Variants in LIMS1 observed in about 807,000 individuals in gnomAD.
The protein encoded by LIMS1 is LIM zinc finger domain containing 1.
In LIMS1, 18 loss-of-function variants were observed where a neutral mutation model predicts 44.1. The ratio of observed to expected loss-of-function variants is 0.41; its 90% CI spans 0.28 to 0.61. The LOEUF (loss-of-function observed/expected upper bound fraction) is 0.61, where lower values mean the gene tolerates loss of function less well. LIMS1 is among the 20% of genes least tolerant of loss of function. LIMS1 has a pLI of 0.32. For synonymous variants in LIMS1, 93 were observed against 149.1 expected (o/e 0.62, Z 2.74); for missense variants, 201 against 422.0 (o/e 0.48, Z 4.59).
chr2:108,672,421 T>A lies in LIMS1; in HGVS notation c.356T>A (p.Ile119Asn), dbSNP rs773411130. The change falls in exon 4 of 10, where the codon ATC becomes AAC. Residue 119 changes from isoleucine (I) to asparagine (N), a missense_variant. This residue lies in a region of LIMS1 where 101 missense variants were observed against 215.2 expected (regional missense o/e 0.47). Coordinates refer to ENST00000544547, the Ensembl canonical transcript of LIMS1. ...CTCTGCCAGGAAGTTCTGGCAGATA[T>A]CGGGTTTGTCAAGAATGCTGGGAGG... The A allele has an allele frequency of 9.0e-6, 9 of 1,004,670 alleles. No homozygotes were observed. In the South Asian group the frequency reaches 1.4e-4, roughly 16 times the overall value. 62.2% of individuals were successfully genotyped at this position (1,004,670 alleles called of 1,614,324 possible).
At chr2:108,575,057 A>G (rs912211293) in intron 1 of LIMS1, among the ~76,000 whole-genome samples, 1 of 151,930 alleles carries the variant, frequency 6.6e-6, no homozygotes, top group Non-Finnish European at 1.5e-5. Context: ...TTGGCAGGAT[A>G]CTCTTCTTTT....
At chr2:108,663,903 C>T (rs1366531466) in intron 2 of LIMS1, among the ~76,000 whole-genome samples, 11 of 151,988 alleles carry the variant, frequency 7.2e-5, no homozygotes, top group African/African-American at 1.9e-4. Flanking sequence ...TACAGGCAGG[C>T]GCCACCATGC....
intron 1 of LIMS1, among the ~76,000 whole-genome samples, chr2:108,542,208 GC>G (rs1396604627): frequency 6.6e-6 from 1 of 152,118 alleles, no homozygotes; most frequent in Non-Finnish European, 1.5e-5. Context: ...CAGACTGCTG[GC>G]AGAGACCCAA....
chr2:108,680,051 C>T (rs575412679), intron 8 of LIMS1, among the ~76,000 whole-genome samples: 6 of 151,908 alleles, frequency 3.9e-5, no homozygotes, highest in Admixed American at 2.0e-4. Context: ...ATGGCAAGAC[C>T]GTGTCTCTAT....
intron 1 of LIMS1, chr2:108,657,808 T>C (rs1691008887): frequency 6.6e-6 from 1 of 152,358 alleles, no homozygotes; most frequent in African/African-American, 2.4e-5. Flanking sequence ...GGGTCTGAAG[T>C]GATGAACATG....
At chr2:108,586,882 C>G (rs143443863) in intron 1 of LIMS1, among the ~76,000 whole-genome samples, 59 of 152,270 alleles carry the variant, frequency 3.9e-4, no homozygotes, top group African/African-American at 1.3e-3. Context: ...GCTTCCCACT[C>G]GAAAGCAGCC....
intron 1 of LIMS1, among the ~76,000 whole-genome samples, chr2:108,615,297 C>T (rs1213040195): frequency 6.6e-6 from 1 of 152,050 alleles, no homozygotes; most frequent in Admixed American, 6.6e-5. Flanking sequence ...AAAGTTTTAG[C>T]TTTATATGTA....
intron 1 of LIMS1, among the ~76,000 whole-genome samples, chr2:108,574,755 C>G (rs756146748): frequency 6.6e-6 from 1 of 152,160 alleles, no homozygotes; most frequent in South Asian, 2.1e-4. Context: ...GAGTAAAGAC[C>G]TGAAGCAAAC....
chr2:108,573,221 A>G (rs1167072188), intron 1 of LIMS1, among the ~76,000 whole-genome samples: 1 of 152,154 alleles, frequency 6.6e-6, no homozygotes, highest in Non-Finnish European at 1.5e-5. Context: ...ATTTTATTGC[A>G]GAGTGATTAC....
intron 9 of LIMS1, among the ~76,000 whole-genome samples, chr2:108,681,904 A>G (rs1390759116): frequency 6.6e-6 from 1 of 151,964 alleles, no homozygotes; most frequent in Non-Finnish European, 1.5e-5. Context: ...AAAAAAAAAA[A>G]ATCTTTCAGC....
chr2:108,621,269 C>G (rs1688219200), intron 1 of LIMS1: 11 of 1,527,582 alleles, frequency 7.2e-6, no homozygotes, highest in Non-Finnish European at 9.7e-6. Flanking sequence ...TGAGGTCCCT[C>G]GGCAAGGGAC....
intron 1 of LIMS1, among the ~76,000 whole-genome samples, chr2:108,575,331 A>G (rs1185210804): frequency 6.6e-6 from 1 of 152,190 alleles, no homozygotes; most frequent in African/African-American, 2.4e-5. Context: ...AAAAAAATGC[A>G]AAAGAGTTAG....
rs114758360 is a variant in LIMS1, at chr2:108,626,532, C to T, written c.33-33073C>T. 1.1e-3 allele frequency among the ~76,000 whole-genome samples: 174 copies of T among 152,240 alleles called. 1 individual carries two copies. The highest frequency in any genetic ancestry group is 4.0e-3 in the African/African-American group (165 of 41,536). On this transcript the variant is annotated intron_variant, in intron 1 of 9. Coordinates refer to ENST00000544547, the Ensembl canonical transcript of LIMS1. ...AGACCCCCTCTTCACCCACTCTCAC[C>T]TCCCACCCCCATATAATAGAGAGGG... is the stretch of plus-strand genomic sequence containing the variant.
At chr2:108,588,847 G>A (rs1369760594) in intron 1 of LIMS1, among the ~76,000 whole-genome samples, 4 of 152,176 alleles carry the variant, frequency 2.6e-5, no homozygotes, top group East Asian at 1.9e-4. Flanking sequence ...ATTGAAATAT[G>A]TGAAAACTTT....
intron 1 of LIMS1, among the ~76,000 whole-genome samples, chr2:108,586,865 G>A (rs1686128768): frequency 6.6e-6 from 1 of 152,146 alleles, no homozygotes; most frequent in African/African-American, 2.4e-5. Context: ...GAATGGGGGA[G>A]GGAACTGCTT....
chr2:108,608,308 T>TG (rs1267884837), intron 1 of LIMS1, among the ~76,000 whole-genome samples: 2 of 137,116 alleles, frequency 1.5e-5, no homozygotes, highest in Admixed American at 1.5e-4. Context: ...TTTCACTCAC[T>TG]TTTTTTTTTT....
intron 5 of LIMS1, 72 bp downstream of exon 5, chr2:108,673,101 A>G: frequency 2.9e-6 from 4 of 1,377,748 alleles, no homozygotes; most frequent in Non-Finnish European, 4.0e-6. Context: ...TATTTCTGTT[A>G]CTCTAGCAAA....
intron 1 of LIMS1, among the ~76,000 whole-genome samples, chr2:108,539,006 C>T (rs931333610): frequency 1.3e-5 from 2 of 152,308 alleles, no homozygotes; most frequent in South Asian, 4.1e-4. Flanking sequence ...TTTGTACATC[C>T]AGTCCTTGAC....
chr2:108,584,194 C>G (rs894137913), intron 1 of LIMS1, among the ~76,000 whole-genome samples: 2 of 152,158 alleles, frequency 1.3e-5, no homozygotes. Flanking sequence ...TCACAGTGAG[C>G]CAGCCTGTGT....
Sources: gnomAD v4.1 joint callset for allele counts (sites outside exome capture counted in the v4.1 genomes callset) on GRCh38, gnomAD v4.1.1 for gene constraint, gnomAD v4.1.1 regional missense constraint, MANE v1.5 for transcripts, NCBI Gene and HGNC (gene_info 2026-07-23, HGNC 2026-07-21) for gene names.